Variants in FOXP2 observed in about 807,000 individuals in gnomAD.
FOXP2 encodes forkhead box protein P2.
Under a neutral mutation model 115.8 loss-of-function variants are expected in FOXP2, and 12 were observed. That is an observed-to-expected ratio of 0.10 (90% CI 0.07 to 0.17). The LOEUF (loss-of-function observed/expected upper bound fraction) is 0.17, where lower values mean the gene tolerates loss of function less well. FOXP2 is among the 10% of genes least tolerant of loss of function. FOXP2 has a pLI of 1.00. For missense variants in FOXP2, 629 were observed against 843.5 expected (o/e 0.75, Z 3.15); for synonymous variants, 328 against 297.7 (o/e 1.10, Z -1.05).
rs1795669527 is a variant in FOXP2 at position 114,258,288 on chromosome 7, T to G, written c.-101-29731T>G. On this transcript the variant is annotated intron_variant, in intron 1 of 17. Coordinates refer to the FOXP2 transcript ENST00000634411. ...AAAAACAGGATGTACATGTGGGTTA[T>G]GTGTCTTAATCCCTACATTATACTG... Among the ~76,000 whole-genome samples, 4 of 152,228 alleles carry G rather than the reference T, an allele frequency of 2.6e-5. No homozygotes were observed. In the South Asian group the frequency reaches 8.3e-4, roughly 31 times the overall value.
At chr7:114,477,223 G>A (rs576748520) in intron 2 of FOXP2, among the ~76,000 whole-genome samples, 69 of 151,962 alleles carry the variant, frequency 4.5e-4, no homozygotes, top group Admixed American at 7.2e-4. Flanking sequence ...TCATTGTTAC[G>A]CTATTCACAA....
chr7:114,308,461 G>T (rs1372847195), intron 2 of FOXP2, among the ~76,000 whole-genome samples: 1 of 152,012 alleles, frequency 6.6e-6, no homozygotes, highest in Non-Finnish European at 1.5e-5. Flanking sequence ...TTCAAAACAG[G>T]TCTGTATAAC....
chr7:114,668,571 C>T (rs1807305831), intron 16 of FOXP2: 1 of 152,116 alleles, frequency 6.6e-6, no homozygotes, highest in African/African-American at 2.4e-5. Context: ...ACTATCAGGA[C>T]CATGCACTCT....
At chr7:114,481,752 C>T (rs1013655612) in intron 2 of FOXP2, among the ~76,000 whole-genome samples, 1 of 148,272 alleles carries the variant, frequency 6.7e-6, no homozygotes, top group African/African-American at 2.5e-5. Flanking sequence ...CAGATGATCT[C>T]ATATGGAAAC....
intron 3 of FOXP2, among the ~76,000 whole-genome samples, chr7:114,570,392 T>C (rs1801236063): frequency 6.6e-6 from 1 of 151,874 alleles, no homozygotes; most frequent in African/African-American, 2.4e-5. Flanking sequence ...TACAATTGAT[T>C]ACAAGTCAGA....
chr7:114,343,606 C>T (rs929920317), intron 2 of FOXP2, among the ~76,000 whole-genome samples: 2 of 151,610 alleles, frequency 1.3e-5, no homozygotes, highest in Non-Finnish European at 3.0e-5. Flanking sequence ...AGTTAACTCA[C>T]CCTTAAGAAG....
At chr7:114,198,936 C>T (rs991166250) in intron 1 of FOXP2, among the ~76,000 whole-genome samples, 6 of 152,146 alleles carry the variant, frequency 3.9e-5, no homozygotes, top group Admixed American at 6.5e-5. Context: ...TCCTCTTTTT[C>T]GGGTCCTCTT....
intron 3 of FOXP2, among the ~76,000 whole-genome samples, chr7:114,565,360 T>A (rs1011928785): frequency 6.6e-6 from 1 of 152,142 alleles, no homozygotes; most frequent in Non-Finnish European, 1.5e-5. Context: ...AAGTGAATAA[T>A]GGACTAAAAG....
chr7:114,464,311 C>T (rs1316409202), intron 2 of FOXP2, among the ~76,000 whole-genome samples: 1 of 151,076 alleles, frequency 6.6e-6, no homozygotes, highest in African/African-American at 2.4e-5. Flanking sequence ...GTGACCAGAA[C>T]AGATAACTAA....
At chr7:114,633,286 T>C (rs1158653948) in intron 6 of FOXP2, among the ~76,000 whole-genome samples, 1 of 152,166 alleles carries the variant, frequency 6.6e-6, no homozygotes, top group Non-Finnish European at 1.5e-5. Flanking sequence ...AAATTTATAA[T>C]GATATAATCA....
At chr7:114,590,055 A>G (rs1217604112) in intron 3 of FOXP2, among the ~76,000 whole-genome samples, 1 of 152,136 alleles carries the variant, frequency 6.6e-6, no homozygotes, top group East Asian at 1.9e-4. Context: ...TAAGCAACAA[A>G]TATTCATGAT....
intron 2 of FOXP2, among the ~76,000 whole-genome samples, chr7:114,402,134 C>T (rs1356748182): frequency 1.3e-5 from 2 of 151,754 alleles, no homozygotes; most frequent in African/African-American, 4.8e-5. Flanking sequence ...AAAACAACAA[C>T]AAAAAGTTAA....
intron 1 of FOXP2, among the ~76,000 whole-genome samples, chr7:114,236,845 T>C (rs1019193240): frequency 5.9e-5 from 9 of 151,940 alleles, no homozygotes; most frequent in Non-Finnish European, 1.3e-4. Context: ...GGCGTGGTGG[T>C]GGACACCTGT....
intron 3 of FOXP2, among the ~76,000 whole-genome samples, chr7:114,538,134 G>A (rs995582910): frequency 6.6e-6 from 1 of 151,580 alleles, no homozygotes; most frequent in African/African-American, 2.4e-5. Context: ...AGTTTAGAAA[G>A]AGTAAGTTAA....
At chr7:114,469,963 G>T (rs1307299998) in intron 2 of FOXP2, among the ~76,000 whole-genome samples, 1 of 152,056 alleles carries the variant, frequency 6.6e-6, no homozygotes, top group African/African-American at 2.4e-5. Flanking sequence ...AGTCCATATT[G>T]TTCTTAATTA....
chr7:114,441,297 A>G (rs1364576653), intron 2 of FOXP2, among the ~76,000 whole-genome samples: 1 of 151,928 alleles, frequency 6.6e-6, no homozygotes, highest in Non-Finnish European at 1.5e-5. Flanking sequence ...AAAATACAAA[A>G]AAAAATTAGC....
intron 6 of FOXP2, among the ~76,000 whole-genome samples, chr7:114,634,605 C>G (rs1451944953): frequency 6.6e-6 from 1 of 151,616 alleles, no homozygotes; most frequent in Non-Finnish European, 1.5e-5. Context: ...TGTATACAGA[C>G]AGATGATAGA....
At chr7:114,673,337 T>G (rs986745463) in intron 16 of FOXP2, among the ~76,000 whole-genome samples, 2 of 152,238 alleles carry the variant, frequency 1.3e-5, no homozygotes, top group Admixed American at 6.5e-5. Context: ...TTGGGCACAA[T>G]ATATTTGTAC....
chr7:114,478,125 A>T (rs1029341711), intron 2 of FOXP2, among the ~76,000 whole-genome samples: 6 of 152,030 alleles, frequency 3.9e-5, no homozygotes, highest in African/African-American at 1.4e-4. Context: ...ATCTAAGGAA[A>T]AATAGATAAA....
Sources: allele counts gnomAD v4.1 joint callset (sites outside exome capture counted in the v4.1 genomes callset), GRCh38; gene constraint gnomAD v4.1.1; transcripts MANE v1.5; gene names NCBI Gene and HGNC (gene_info 2026-07-23, HGNC 2026-07-21).